The following PARP10 variants were observed in gnomAD, a reference collection of about 807,000 sequenced individuals.
The protein encoded by PARP10 is protein mono-ADP-ribosyltransferase PARP10.
In PARP10, 56 loss-of-function variants were observed where a neutral mutation model predicts 82.4. The ratio of observed to expected loss-of-function variants is 0.68; its 90% CI spans 0.55 to 0.85. PARP10 has a LOEUF of 0.85. Ranked by LOEUF, PARP10 falls within the 40% of genes least tolerant of loss-of-function variation. The probability of loss-of-function intolerance (pLI) is 0.00; values close to 1 mark genes in which losing one functional copy is unlikely to be tolerated. For synonymous variants in PARP10, 576 were observed against 601.1 expected (o/e 0.96, Z 0.61); for missense variants, 1,227 against 1,379.4 (o/e 0.89, Z 1.75).
chr8:143,992,087 C>A, upstream of PARP10: 5 of 1,612,928 alleles, frequency 3.1e-6, no homozygotes, highest in South Asian at 5.5e-5. Flanking sequence ...TGGTAACCCC[C>A]AAACCTGAGC....
At chr8:143,991,452 G>A (rs1834093781), upstream of PARP10, 1 of 1,480,328 alleles carries the variant, frequency 6.8e-7, no homozygotes, top group Non-Finnish European at 9.0e-7. Flanking sequence ...CTACCCCCAA[G>A]GGGGCTACCC....
rs34794348 is a variant in PARP10, at chr8:143,998,993, C to CTCCTTCCTTCCT, written c.-79-12567_-79-12556dup. Reference sequence around the variant, plus strand: ...AAATCAAGCTTTTCTTTAATTCTTTCTCCTTCCTTCCTTCCTTCCTTCCTT... The same window carrying CTCCTTCCTTCCT: ...AAATCAAGCTTTTCTTTAATTCTTTCTCCTTCCTTCCTTCCTTCCTTCCTTCCTTCCTTCCTT... On this transcript the variant is annotated intron_variant, in intron 1 of 3. Transcript: ENST00000530478. Among the ~76,000 whole-genome samples the CTCCTTCCTTCCT allele has an allele frequency of 5.9e-3, 861 of 146,558 alleles. 5 individuals are homozygous for CTCCTTCCTTCCT. Among genetic ancestry groups the CTCCTTCCTTCCT allele is most frequent in the South Asian group, 0.021 (95 of 4,528 alleles).
rs782624467 is a variant in PARP10 at position 143,977,903 on chromosome 8, T to C, written c.2731+4A>G. 1.5e-5 allele frequency: 24 copies of C among 1,601,998 alleles called. 1 individual carries two copies. The Middle Eastern group carries it at 5.0e-4, about 33-fold the overall frequency. On this transcript the variant is annotated splice_donor_region_variant and intron_variant, in intron 10 of 10. Coordinates refer to ENST00000313028, the MANE Select transcript of PARP10 (RefSeq NM_032789.5). Reference sequence around the variant, plus strand: ...CCCCCGCCCCTGCCCGGCTCAGGCCTCACCGTTGCGGCCGCAGAAGCTGCG... The same window carrying C: ...CCCCCGCCCCTGCCCGGCTCAGGCCCCACCGTTGCGGCCGCAGAAGCTGCG...
intron 1 of PARP10, among the ~76,000 whole-genome samples, chr8:144,009,987 C>T (rs1834262835): frequency 1.3e-5 from 2 of 152,164 alleles, no homozygotes; most frequent in Non-Finnish European, 2.9e-5. Flanking sequence ...CCAATCTGTT[C>T]CCACATGCCC....
rs540134433 is a variant in PARP10 at position 144,010,363 on chromosome 8, G to C, written c.-80+2167C>G. On this transcript the variant is annotated intron_variant, in intron 1 of 3. Coordinates refer to the PARP10 transcript ENST00000530478. Reference sequence around the variant, plus strand: ...AGTTGGTGGCCAACATATGTTTTCGGATGAAAGAACACTGGCATATGCAAA... The same window carrying C: ...AGTTGGTGGCCAACATATGTTTTCGCATGAAAGAACACTGGCATATGCAAA... Among the ~76,000 whole-genome samples the C allele has an allele frequency of 4.9e-4, 74 of 152,334 alleles. No homozygotes were observed. The South Asian group carries it at 0.015, about 31-fold the overall frequency.
rs1834284435 is a variant in PARP10 at position 144,011,628 on chromosome 8, G to C, written c.-80+902C>G. Among the ~76,000 whole-genome samples, 1 of 152,310 alleles carries C rather than the reference G, an allele frequency of 6.6e-6. No individual in the cohort carries two copies. The highest frequency in any genetic ancestry group is 2.4e-5 in the African/African-American group (1 of 41,552). On this transcript the variant is annotated intron_variant, in intron 1 of 3. Coordinates refer to the PARP10 transcript ENST00000530478. The surrounding 1 kb of genome is among the most constrained non-coding windows in gnomAD (Gnocchi z 4.5). ...GAGTTATCTGTAGATAGCTCTAAGA[G>C]AAGGGGAGCATCATGAGGACTGAGT...
chr8:144,003,285 T>C lies in PARP10; in HGVS notation c.-80+9245A>G, dbSNP rs782333045. Among the ~76,000 whole-genome samples, 7 of 151,998 alleles carry C rather than the reference T, an allele frequency of 4.6e-5. 1 individual carries two copies. The highest frequency in any genetic ancestry group is 3.9e-4 in the Admixed American group (6 of 15,258). ...TAAAAATACAAAAATTAGCCAGGCA[T>C]GGTGGCACATGCCTGTAATCCCAGC... is the stretch of plus-strand genomic sequence containing the variant. On this transcript the variant is annotated intron_variant, in intron 1 of 3. Transcript: ENST00000530478.
chr8:143,991,179 T>C, upstream of PARP10: 5 of 1,458,552 alleles, frequency 3.4e-6, no homozygotes, highest in Non-Finnish European at 4.6e-6. Flanking sequence ...TGTTCCACTG[T>C]TCCTTGTCTG....
At chr8:143,991,544 C>T, upstream of PARP10, 2 of 1,549,002 alleles carry the variant, frequency 1.3e-6, no homozygotes, top group Non-Finnish European at 1.8e-6. Flanking sequence ...ATCCCCAGAG[C>T]CCCTTCCCCC....
rs1439905478 is a variant in PARP10 at position 144,008,772 on chromosome 8, A to C, written c.-80+3758T>G. Among the ~76,000 whole-genome samples, 3 of 152,228 alleles carry C rather than the reference A, an allele frequency of 2.0e-5. No individual in the cohort carries two copies. The East Asian group carries it at 5.8e-4, about 29-fold the overall frequency. On this transcript the variant is annotated intron_variant, in intron 1 of 3. Transcript: ENST00000530478. This position sits in a 1 kb window ranked among gnomAD's most constrained non-coding sequence, Gnocchi z 4.0. Reference sequence around the variant, plus strand: ...TGGATGTGGATACATTTTTGGATGAATCTCACTCCCAAACTTGTGGTACTC... The same window carrying C: ...TGGATGTGGATACATTTTTGGATGACTCTCACTCCCAAACTTGTGGTACTC...
intron 1 of PARP10, among the ~76,000 whole-genome samples, chr8:144,001,219 T>C (rs1401694362): frequency 2.0e-5 from 3 of 151,240 alleles, no homozygotes; most frequent in South Asian, 4.2e-4. Flanking sequence ...TGGCCTCTAG[T>C]TTTTATTTTT....
chr8:143,977,887 C>A lies in PARP10; in HGVS notation c.2731+20G>T. 1 of 1,600,190 alleles carries A rather than the reference C, an allele frequency of 6.2e-7. No individual in the cohort carries two copies. Among genetic ancestry groups the A allele is most frequent in the East Asian group, 2.2e-5 (1 of 44,650 alleles). On this transcript the variant is annotated intron_variant, in intron 10 of 10. Transcript: ENST00000313028. ...GTCGGGGTGCGCAGAGCCCCCGCCC[C>A]TGCCCGGCTCAGGCCTCACCGTTGC...
upstream of PARP10, among the ~76,000 whole-genome samples, chr8:143,987,521 C>T (rs1459168587): frequency 6.6e-6 from 1 of 152,228 alleles, no homozygotes; most frequent in Non-Finnish European, 1.5e-5. Context: ...GGTGGGTCCT[C>T]AACAGAGGTG....
Position 143,983,564 on chromosome 8 carries a change from C to T in PARP10, c.2025G>A (p.Glu675=), listed in dbSNP as rs1331953480. 4 of 1,606,198 alleles carry T rather than the reference C, an allele frequency of 2.5e-6. No homozygotes were observed. In the African/African-American group the frequency reaches 5.3e-5, roughly 21 times the overall value. Residue 675 remains glutamate (E), a synonymous_variant, in exon 8 of 11, where the codon GAG becomes GAA. Coordinates refer to ENST00000313028, the MANE Select transcript of PARP10 (RefSeq NM_032789.5). ...EPQGQVAEQE[E]AAALRQALTL... Reference sequence around the variant, plus strand: ...TTAGGGCTTGCCGCAGGGCAGCAGCCTCCTCCTGCTCAGCCACCTGACCTT... The same window carrying T: ...TTAGGGCTTGCCGCAGGGCAGCAGCTTCCTCCTGCTCAGCCACCTGACCTT...
chr8:143,982,626 C>A (rs1554748004), intron 9 of PARP10, among the ~76,000 whole-genome samples: 3 of 152,228 alleles, frequency 2.0e-5, no homozygotes, highest in Admixed American at 2.0e-4. Flanking sequence ...CATCACCGCC[C>A]CATGCTCCAA....
upstream of PARP10, chr8:143,991,234 A>G: frequency 1.3e-6 from 2 of 1,579,240 alleles, no homozygotes. Flanking sequence ...ATGTCCCATG[A>G]AAAGAGTTTT....
upstream of PARP10, chr8:143,992,865 G>A (rs376058939): frequency 9.3e-5 from 149 of 1,606,782 alleles, no homozygotes; most frequent in Middle Eastern, 4.9e-4. Flanking sequence ...CGCTGTGCCC[G>A]CTCAGGTGGC....
At position 143,984,232 on chromosome 8, in the gene PARP10, G is replaced by A. The variant is rs782780194; in HGVS notation, c.1658C>T (p.Thr553Met). Reference sequence around the variant, plus strand: ...TACCTCTTCAAGGCCTGTGTCCAACGTGGCTGTGGCCAGGCGCTCTGTCCC... The same window carrying A: ...TACCTCTTCAAGGCCTGTGTCCAACATGGCTGTGGCCAGGCGCTCTGTCCC... ...VFGTERLATA[T>M]LDTGLEEVDP... The change falls in exon 6 of 11, where the codon ACG (threonine) becomes ATG (methionine). Residue 553 changes from threonine (T) to methionine (M), a missense_variant. By Grantham distance (81) the Thr-to-Met change is moderately conservative (BLOSUM62 -1). Coordinates refer to ENST00000313028, the MANE Select transcript of PARP10 (RefSeq NM_032789.5). 2.1e-5 allele frequency: 34 copies of A among 1,613,784 alleles called. No individual in the cohort carries two copies. The highest frequency in any genetic ancestry group is 1.6e-4 in the East Asian group (7 of 44,892).
chr8:144,012,404 C>A, intron 1 of PARP10: 1 of 910,340 alleles, frequency 1.1e-6, no homozygotes, highest in Non-Finnish European at 1.7e-6. Context: ...GCCCACTGGG[C>A]CAGCCTTGCA....
Sources: allele counts gnomAD v4.1 joint callset (sites outside exome capture counted in the v4.1 genomes callset), GRCh38; gene constraint gnomAD v4.1.1; non-coding constraint Gnocchi (gnomAD v3.1); transcripts MANE v1.5; gene names NCBI Gene and HGNC (gene_info 2026-07-23, HGNC 2026-07-21).